AKR1C3: variants seen among roughly 807,000 people sequenced by gnomAD.
AKR1C3 encodes the protein aldo-keto reductase family 1 member C3, also known as 3-alpha hydroxysteroid dehydrogenase, type II.
A neutral mutation model predicts 43.6 loss-of-function variants in AKR1C3; 48 were observed. The ratio of observed to expected loss-of-function variants is 1.10; its 90% CI spans 0.87 to 1.40. The LOEUF (loss-of-function observed/expected upper bound fraction) is 1.40, where lower values mean the gene tolerates loss of function less well. Among genes scored for constraint, AKR1C3 ranks in the 40% most tolerant of loss-of-function variants. AKR1C3 has a pLI of 0.00. For missense variants in AKR1C3, 482 were observed against 391.2 expected (o/e 1.23, Z -1.96); for synonymous variants, 162 against 139.6 (o/e 1.16, Z -1.13).
intron 3 of AKR1C3, 83 bp from the exon 4 acceptor site, chr10:5,098,719 G>T (rs1554785521): frequency 9.5e-7 from 1 of 1,057,222 alleles, no homozygotes; most frequent in East Asian, 2.4e-5. Flanking sequence ...TGGAGGATTA[G>T]TGTCCTTAAA....
At chr10:5,084,576 A>G (rs1361455433) in intron 1 of AKR1C3, among the ~76,000 whole-genome samples, 1 of 152,124 alleles carries the variant, frequency 6.6e-6, no homozygotes, top group Non-Finnish European at 1.5e-5. Flanking sequence ...TTTGGGTTCC[A>G]TATGAACTTT....
chr10:5,082,659 C>T (rs1376682582), intron 1 of AKR1C3, among the ~76,000 whole-genome samples: 2 of 151,918 alleles, frequency 1.3e-5, no homozygotes, highest in Non-Finnish European at 2.9e-5. Flanking sequence ...TTGGTCATGA[C>T]GAATTATCTT....
chr10:5,095,037 T>C (rs553415915), intron 1 of AKR1C3, among the ~76,000 whole-genome samples: 3 of 152,206 alleles, frequency 2.0e-5, no homozygotes, highest in South Asian at 2.1e-4. Flanking sequence ...GTTTCCACTG[T>C]ACTATTTCAC....
At chr10:5,094,606 G>T (rs1554784897) in intron 1 of AKR1C3, 78 bp downstream of exon 1, 3 of 1,509,514 alleles carry the variant, frequency 2.0e-6, no homozygotes, top group Admixed American at 1.7e-5. Flanking sequence ...GGGTTGTAAG[G>T]TTCGTGTTCC....
At chr10:5,099,827 A>G (rs1839302813) in intron 5 of AKR1C3, 2 of 212,330 alleles carry the variant, frequency 9.4e-6, no homozygotes, top group Admixed American at 5.1e-5. Context: ...CTAGGAAAAG[A>G]TGAAATGAGC....
intron 1 of AKR1C3, among the ~76,000 whole-genome samples, chr10:5,069,299 T>C (rs368271853): frequency 6.6e-6 from 1 of 152,182 alleles, no homozygotes; most frequent in African/African-American, 2.4e-5. Context: ...CATATTGCCA[T>C]GAATTAAGAA....
At chr10:5,060,064 A>C (rs534653627) in intron 1 of AKR1C3, among the ~76,000 whole-genome samples, 22 of 152,054 alleles carry the variant, frequency 1.4e-4, no homozygotes, top group African/African-American at 4.3e-4. Flanking sequence ...CTTAAGGTGG[A>C]ACGTCTGGAG....
At chr10:5,050,386 A>AG (rs5782798) in intron 1 of AKR1C3, among the ~76,000 whole-genome samples, 86,352 of 151,998 alleles carry the variant, frequency 0.57, 25,503 homozygotes, top group East Asian at 0.79. Context: ...CCTTTGTTGG[A>AG]ATAATCTATA....
At chr10:5,077,910 T>G (rs1408814985) in intron 1 of AKR1C3, 6 of 632,518 alleles carry the variant, frequency 9.5e-6, no homozygotes, top group Non-Finnish European at 1.4e-5. Context: ...AATCATCTCT[T>G]TTGAAAAATC....
intron 1 of AKR1C3, 58 bp from the exon 2 acceptor site, chr10:5,096,352 C>G: frequency 3.2e-6 from 5 of 1,561,208 alleles, no homozygotes; most frequent in Non-Finnish European, 3.5e-6. Context: ...AATGCTTGTG[C>G]CTGAACTACC....
At chr10:5,107,287 A>C (rs1839530887) in intron 8 of AKR1C3, among the ~76,000 whole-genome samples, 174 bp from the exon 9 acceptor site, 1 of 152,188 alleles carries the variant, frequency 6.6e-6, no homozygotes, top group African/African-American at 2.4e-5. Context: ...TGAATAATTT[A>C]TTATTTTGAA....
At chr10:5,100,868 C>T (rs1006166897) in intron 5 of AKR1C3, among the ~76,000 whole-genome samples, 4 of 151,616 alleles carry the variant, frequency 2.6e-5, no homozygotes, top group African/African-American at 4.9e-5. Flanking sequence ...AACACTTTGC[C>T]ACATTGCCAA....
rs35961894 is a variant in AKR1C3 at position 5,096,522 on chromosome 10, G to A, written c.197G>A (p.Arg66Gln). 4.4e-3 allele frequency: 7,046 copies of A among 1,613,744 alleles called. 249 individuals carry two copies. The African/African-American group carries it at 0.08, about 18-fold the overall frequency. ...NNEEQVGLAI[R>Q]SKIADGSVKR... ...GAGGAGCAGGTTGGACTGGCCATCC[G>A]AAGCAAGATTGCAGATGGCAGTGTG... Residue 66 changes from arginine to glutamine, a missense_variant, in exon 2 of 9, where the codon CGA becomes CAA. Arg to Gln is a conservative substitution (Grantham distance 43). Coordinates refer to ENST00000380554, the MANE Select transcript of AKR1C3 (RefSeq NM_003739.6).
chr10:5,082,289 A>G (rs1357356022), intron 1 of AKR1C3, among the ~76,000 whole-genome samples: 1 of 152,020 alleles, frequency 6.6e-6, no homozygotes, highest in Non-Finnish European at 1.5e-5. Flanking sequence ...TATTTTCTTT[A>G]CCTGATTGCC....
chr10:5,081,059 A>G (rs529256259), intron 1 of AKR1C3, among the ~76,000 whole-genome samples: 2 of 152,274 alleles, frequency 1.3e-5, no homozygotes, highest in South Asian at 4.1e-4. Context: ...TCTAGGATCA[A>G]ATCAGTTCCT....
chr10:5,058,982 C>T (rs1488034460), intron 1 of AKR1C3, among the ~76,000 whole-genome samples: 1 of 152,156 alleles, frequency 6.6e-6, no homozygotes, highest in African/African-American at 2.4e-5. Context: ...AAGGACCTTA[C>T]CCTGACGGAG....
intron 1 of AKR1C3, among the ~76,000 whole-genome samples, chr10:5,063,402 A>G (rs1838421805): frequency 6.6e-6 from 1 of 152,240 alleles, no homozygotes; most frequent in African/African-American, 2.4e-5. Flanking sequence ...GAAATGAGAA[A>G]GAAATACCAA....
At chr10:5,053,196 G>A (rs897643821) in intron 1 of AKR1C3, among the ~76,000 whole-genome samples, 1 of 152,240 alleles carries the variant, frequency 6.6e-6, no homozygotes, top group African/African-American at 2.4e-5. Flanking sequence ...TGGAGCAGGG[G>A]GCAGCGCTCG....
At chr10:5,083,637 C>T (rs1384242739) in intron 1 of AKR1C3, among the ~76,000 whole-genome samples, 1 of 152,122 alleles carries the variant, frequency 6.6e-6, no homozygotes, top group Non-Finnish European at 1.5e-5. Flanking sequence ...GTTCTAGATC[C>T]CTGAGCAATC....
Sources: allele counts gnomAD v4.1 joint callset (sites outside exome capture counted in the v4.1 genomes callset), GRCh38; gene constraint gnomAD v4.1.1; transcripts MANE v1.5; gene names NCBI Gene and HGNC (gene_info 2026-07-23, HGNC 2026-07-21).